The following SEMA3D variants were observed in gnomAD, a reference collection of about 807,000 sequenced individuals.
SEMA3D encodes semaphorin 3D, also known as semaphorin-3D.
SEMA3D carries 84 observed loss-of-function variants against 100.1 expected under a neutral mutation model. The ratio of observed to expected loss-of-function variants is 0.84; its 90% CI spans 0.70 to 1.01. The LOEUF is 1.01. Ranked by LOEUF, SEMA3D falls within the 50% of genes least tolerant of loss-of-function variation. SEMA3D has a pLI of 0.00. For missense variants in SEMA3D, 875 were observed against 934.1 expected (o/e 0.94, Z 0.82); for synonymous variants, 312 against 320.7 (o/e 0.97, Z 0.29).
intron 2 of SEMA3D, among the ~76,000 whole-genome samples, chr7:85,124,705 C>A (rs538407319): frequency 6.6e-6 from 1 of 152,046 alleles, no homozygotes; most frequent in African/African-American, 2.4e-5. Flanking sequence ...GACTCCTGAA[C>A]AGCAAGGCAG....
intron 13 of SEMA3D, among the ~76,000 whole-genome samples, chr7:85,021,078 G>T (rs942400877): frequency 7.3e-5 from 11 of 151,464 alleles, no homozygotes; most frequent in African/African-American, 2.4e-4. Flanking sequence ...TATAATATAG[G>T]CATTTTTAAA....
chr7:85,247,563 G>A, the SEMA3D span, among the ~76,000 whole-genome samples: 2 of 152,050 alleles, frequency 1.3e-5, no homozygotes, highest in African/African-American at 4.8e-5. Flanking sequence ...AGTTTACATG[G>A]AGAGGCATAA....
At chr7:85,074,047 C>CGA (rs1791852009) in intron 5 of SEMA3D, among the ~76,000 whole-genome samples, 2 of 152,138 alleles carry the variant, frequency 1.3e-5, no homozygotes, top group Admixed American at 1.3e-4. Context: ...AAGTGATACT[C>CGA]TATCTTTACA....
chr7:85,065,871 A>T (rs971597932), intron 7 of SEMA3D, among the ~76,000 whole-genome samples: 3 of 152,214 alleles, frequency 2.0e-5, no homozygotes, highest in Non-Finnish European at 4.4e-5. Flanking sequence ...TAATTCAAAT[A>T]AATGTCATAA....
intron 15 of SEMA3D, among the ~76,000 whole-genome samples, chr7:85,015,948 A>G (rs1790088191): frequency 6.6e-6 from 1 of 151,614 alleles, no homozygotes. Context: ...GCCTTCAAAG[A>G]ACTCATGGTC....
Position 85,176,282 on chromosome 7 carries a change from T to A in SEMA3D, c.-173+10396A>T, listed in dbSNP as rs184099505. ...GAAATTAAAACCCAAAATCCAAGATTCTAGTAAGAGTCCAAAGCATATTAG... is the reference window on the plus strand; with the variant it reads ...GAAATTAAAACCCAAAATCCAAGATACTAGTAAGAGTCCAAAGCATATTAG... On this transcript the variant is annotated intron_variant, in intron 1 of 18. Transcript: ENST00000284136. Among the ~76,000 whole-genome samples, 9 of 152,264 alleles carry A rather than the reference T, an allele frequency of 5.9e-5. No individual in the cohort carries two copies. In the East Asian group the frequency reaches 1.7e-3, roughly 29 times the overall value.
intron 8 of SEMA3D, among the ~76,000 whole-genome samples, chr7:85,063,952 G>A (rs963454677): frequency 6.6e-6 from 1 of 152,110 alleles, no homozygotes; most frequent in African/African-American, 2.4e-5. Flanking sequence ...AGGCAATAGG[G>A]TCTCAGAAGT....
intron 3 of SEMA3D, among the ~76,000 whole-genome samples, chr7:85,121,072 C>T (rs1429719948): frequency 6.6e-6 from 1 of 152,080 alleles, no homozygotes; most frequent in African/African-American, 2.4e-5. Flanking sequence ...TTTATTCTCC[C>T]TACATCCCTT....
chr7:85,141,845 A>G (rs1790059316), intron 2 of SEMA3D: 1 of 852,348 alleles, frequency 1.2e-6, no homozygotes. Flanking sequence ...CACAGAATAA[A>G]CAAGGGCCCA....
At chr7:85,192,792 G>T in the SEMA3D span, among the ~76,000 whole-genome samples, 2 of 152,030 alleles carry the variant, frequency 1.3e-5, no homozygotes, top group Non-Finnish European at 2.9e-5. Context: ...TTAACAAATT[G>T]TATTCTTTTT....
In SEMA3D at chr7:85,042,198, C is replaced by T. The variant is rs765905072; in HGVS notation, c.949G>A (p.Gly317Arg). Residue 317 changes from glycine (G) to arginine (R), a missense_variant, in exon 10 of 19, where the codon GGG becomes AGG. By Grantham distance (125) the Gly-to-Arg change is moderately radical (BLOSUM62 -2). Transcript: ENST00000284136. ...RLICSIPGSDGADTYFDELQD... is the reference protein window; with the variant it reads ...RLICSIPGSDRADTYFDELQD... ...AGCTCATCAAAGTAAGTATCTGCCC[C>T]ATCACTTCCAGGAATTGAGCAAATC... The T allele has an allele frequency of 1.9e-6, 3 of 1,612,954 alleles. No individual in the cohort carries two copies. The highest frequency in any genetic ancestry group is 3.3e-5 in the Admixed American group (2 of 59,948).
intron 2 of SEMA3D, among the ~76,000 whole-genome samples, chr7:85,153,158 C>G (rs1327743269): frequency 6.6e-6 from 1 of 152,078 alleles, no homozygotes; most frequent in Admixed American, 6.6e-5. Context: ...TTGGTATAAG[C>G]AGGTTTTGCA....
chr7:85,201,393 G>A, the SEMA3D span, among the ~76,000 whole-genome samples: 4 of 152,062 alleles, frequency 2.6e-5, no homozygotes, highest in African/African-American at 9.7e-5. Context: ...TCTTTCTCTT[G>A]AGTCATTTAA....
intron 12 of SEMA3D, among the ~76,000 whole-genome samples, chr7:85,026,635 A>AT (rs1055311808): frequency 2.0e-5 from 3 of 151,966 alleles, no homozygotes; most frequent in African/African-American, 7.2e-5. Context: ...TTTGAATTAC[A>AT]TTTTTTTCTT....
chr7:85,111,835 T>C (rs1789105648), intron 3 of SEMA3D, among the ~76,000 whole-genome samples: 1 of 152,084 alleles, frequency 6.6e-6, no homozygotes, highest in Non-Finnish European at 1.5e-5. Flanking sequence ...TGTTTAGCCA[T>C]ACCATCTTCT....
chr7:85,102,140 A>G (rs1316773807), intron 3 of SEMA3D, among the ~76,000 whole-genome samples: 19 of 152,020 alleles, frequency 1.2e-4, no homozygotes, highest in Non-Finnish European at 1.9e-4. Context: ...AAAATGTTAA[A>G]CCTTTCAAAT....
At chr7:85,130,827 A>T (rs1252496365) in intron 2 of SEMA3D, among the ~76,000 whole-genome samples, 1 of 152,016 alleles carries the variant, frequency 6.6e-6, no homozygotes, top group African/African-American at 2.4e-5. Flanking sequence ...ATCTTCCGTA[A>T]CTCTTCTGGG....
At chr7:85,194,801 GTTCT>G in the SEMA3D span, among the ~76,000 whole-genome samples, 1 of 152,106 alleles carries the variant, frequency 6.6e-6, no homozygotes. Flanking sequence ...TTTATTCTAA[GTTCT>G]TTCTAATTAG....
At chr7:85,172,244 C>G (rs1057458091) in intron 1 of SEMA3D, among the ~76,000 whole-genome samples, 3 of 151,860 alleles carry the variant, frequency 2.0e-5, no homozygotes, top group African/African-American at 7.3e-5. Context: ...TAAAACATTT[C>G]ACTTTCTGTA....
Sources: allele counts gnomAD v4.1 joint callset (sites outside exome capture counted in the v4.1 genomes callset), GRCh38; gene constraint gnomAD v4.1.1; transcripts MANE v1.5; gene names NCBI Gene and HGNC (gene_info 2026-07-23, HGNC 2026-07-21).